The following DPYD variants were observed in gnomAD, a reference collection of about 807,000 sequenced individuals.
DPYD encodes dihydropyrimidine dehydrogenase.
A neutral mutation model predicts 116.2 loss-of-function variants in DPYD; 109 were observed. That is an observed-to-expected ratio of 0.94 (90% CI 0.80 to 1.10). The LOEUF (loss-of-function observed/expected upper bound fraction) is 1.10, where lower values mean the gene tolerates loss of function less well. DPYD is among the 50% of genes least tolerant of loss of function. DPYD has a pLI of 0.00. For synonymous variants in DPYD, 440 were observed against 432.0 expected (o/e 1.02, Z -0.23); for missense variants, 1,302 against 1,254.5 (o/e 1.04, Z -0.57).
At chr1:97,587,566 C>T (rs755690634) in intron 10 of DPYD, among the ~76,000 whole-genome samples, 4 of 152,090 alleles carry the variant, frequency 2.6e-5, no homozygotes, top group East Asian at 3.9e-4. Context: ...TGGCTCACAC[C>T]GGTAATCCCC....
At chr1:97,141,699 A>G (rs1467890277) in intron 20 of DPYD, among the ~76,000 whole-genome samples, 2 of 152,134 alleles carry the variant, frequency 1.3e-5, no homozygotes, top group Non-Finnish European at 2.9e-5. Context: ...TATAAGTTCT[A>G]CAAGGGTAGG....
chr1:97,803,527 A>G (rs1300180356), intron 3 of DPYD, among the ~76,000 whole-genome samples: 1 of 151,956 alleles, frequency 6.6e-6, no homozygotes, highest in African/African-American at 2.4e-5. Flanking sequence ...GAATGAAAAT[A>G]TGGACACACA....
At chr1:97,686,599 T>C (rs1384680223) in intron 7 of DPYD, among the ~76,000 whole-genome samples, 1 of 119,462 alleles carries the variant, frequency 8.4e-6, no homozygotes, top group African/African-American at 3.3e-5. Flanking sequence ...ATCGCGCCAC[T>C]GCACTCCAGC....
Position 97,850,506 on chromosome 1 carries a change from C to A in DPYD, c.151-22310G>T, listed in dbSNP as rs144211031. On this transcript the variant is annotated intron_variant, in intron 2 of 22. Coordinates refer to ENST00000370192, the MANE Select transcript of DPYD (RefSeq NM_000110.4). Reference sequence around the variant, plus strand: ...TATTTGGTCCTTTGATTCAACAGTCCTTTTATCTCATATGAATTCTTTAAA... The same window carrying A: ...TATTTGGTCCTTTGATTCAACAGTCATTTTATCTCATATGAATTCTTTAAA... Among the ~76,000 whole-genome samples the A allele has an allele frequency of 3.3e-3, 509 of 152,144 alleles. 2 individuals are homozygous for A. Among genetic ancestry groups the A allele is most frequent in the African/African-American group, 0.011 (475 of 41,516 alleles).
intron 14 of DPYD, among the ~76,000 whole-genome samples, chr1:97,396,516 A>T (rs768135880): frequency 1.3e-5 from 2 of 152,078 alleles, no homozygotes; most frequent in Non-Finnish European, 2.9e-5. Flanking sequence ...CATCTAAGCT[A>T]GACCAGCAGA....
At chr1:97,121,099 G>C (rs916787367) in intron 20 of DPYD, among the ~76,000 whole-genome samples, 2 of 152,090 alleles carry the variant, frequency 1.3e-5, no homozygotes, top group Non-Finnish European at 2.9e-5. Flanking sequence ...ATTTACTCTG[G>C]GAATGATGCT....
intron 3 of DPYD, among the ~76,000 whole-genome samples, chr1:97,749,520 G>A (rs1191501597): frequency 6.6e-6 from 1 of 152,096 alleles, no homozygotes; most frequent in African/African-American, 2.4e-5. Context: ...GAATTTTAAA[G>A]AGTTCAGTTA....
intron 1 of DPYD, among the ~76,000 whole-genome samples, chr1:97,904,743 T>C (rs1673524602): frequency 6.6e-6 from 1 of 152,040 alleles, no homozygotes; most frequent in South Asian, 2.1e-4. Flanking sequence ...TCTGGGTATC[T>C]CCCATGTACT....
rs1442846518 is a variant in DPYD at position 97,745,531 on chromosome 1, TGTAA to T, written c.234-5056_234-5053del. ...AATAAAACACAGTTGAGAACTTTCCTGTAAGTATTTTCTGACGTCTATGTCAGGG... is the reference window on the plus strand; with the variant it reads ...AATAAAACACAGTTGAGAACTTTCCTGTATTTTCTGACGTCTATGTCAGGG... On this transcript the variant is annotated intron_variant, in intron 3 of 22. Transcript: ENST00000370192. 3.9e-5 allele frequency among the ~76,000 whole-genome samples: 6 copies of T among 152,116 alleles called. No homozygotes were observed. The East Asian group carries it at 7.7e-4, about 20-fold the overall frequency.
intron 4 of DPYD, among the ~76,000 whole-genome samples, chr1:97,731,258 TAC>T (rs1460288130): frequency 6.6e-6 from 1 of 152,078 alleles, no homozygotes; most frequent in Non-Finnish European, 1.5e-5. Context: ...TGATGCATAG[TAC>T]AGTGTGTTAT....
intron 8 of DPYD, among the ~76,000 whole-genome samples, chr1:97,664,497 A>G (rs1312660344): frequency 6.6e-6 from 1 of 152,016 alleles, no homozygotes; most frequent in African/African-American, 2.4e-5. Context: ...TAAGTAAAAC[A>G]CACACAAATA....
chr1:97,682,902 T>G (rs1228958941), intron 7 of DPYD, among the ~76,000 whole-genome samples: 5 of 152,110 alleles, frequency 3.3e-5, no homozygotes, highest in Non-Finnish European at 7.4e-5. Flanking sequence ...AGTCACTACT[T>G]TATTCCAGCA....
intron 20 of DPYD, among the ~76,000 whole-genome samples, chr1:97,118,289 T>C (rs1652139982): frequency 6.6e-6 from 1 of 152,150 alleles, no homozygotes; most frequent in African/African-American, 2.4e-5. Context: ...GCTCTCTTGA[T>C]AATCTTCAGA....
At chr1:97,393,093 A>G (rs1672804699) in intron 14 of DPYD, among the ~76,000 whole-genome samples, 1 of 152,062 alleles carries the variant, frequency 6.6e-6, no homozygotes, top group Non-Finnish European at 1.5e-5. Context: ...AATTTCCTTC[A>G]AAAACTCTTC....
At chr1:97,280,622 G>A (rs1570415943) in intron 18 of DPYD, among the ~76,000 whole-genome samples, 1 of 152,152 alleles carries the variant, frequency 6.6e-6, no homozygotes, top group African/African-American at 2.4e-5. Context: ...ATTACGTTAA[G>A]TGAAATAAGC....
intron 13 of DPYD, among the ~76,000 whole-genome samples, chr1:97,484,513 G>A (rs1033561358): frequency 6.6e-6 from 1 of 152,076 alleles, no homozygotes; most frequent in Non-Finnish European, 1.5e-5. Context: ...ATTTCATTGT[G>A]CCTTTGTGGC....
intron 16 of DPYD, among the ~76,000 whole-genome samples, chr1:97,338,933 C>G: frequency 6.6e-6 from 1 of 151,904 alleles, no homozygotes; most frequent in African/African-American, 2.4e-5. Flanking sequence ...TAAGGAAGAG[C>G]TAATGAATGA....
intron 11 of DPYD, among the ~76,000 whole-genome samples, chr1:97,565,038 C>T (rs1652417953): frequency 6.6e-6 from 1 of 151,974 alleles, no homozygotes; most frequent in Non-Finnish European, 1.5e-5. Flanking sequence ...ATATATAATC[C>T]ACCCTGGTCA....
intron 16 of DPYD, among the ~76,000 whole-genome samples, chr1:97,335,764 G>T (rs1265027144): frequency 6.6e-6 from 1 of 152,138 alleles, no homozygotes; most frequent in Non-Finnish European, 1.5e-5. Context: ...TATGGGAAAA[G>T]AAAATAGTAC....
Sources: gnomAD v4.1 joint callset for allele counts (sites outside exome capture counted in the v4.1 genomes callset) on GRCh38, gnomAD v4.1.1 for gene constraint, MANE v1.5 for transcripts, NCBI Gene and HGNC (gene_info 2026-07-23, HGNC 2026-07-21) for gene names.